Variants in CSF3R observed in about 807,000 individuals in gnomAD.
CSF3R encodes colony stimulating factor 3 receptor.
In CSF3R, 52 loss-of-function variants were observed where a neutral mutation model predicts 84.4. The observed-to-expected ratio is 0.62, with a 90% confidence interval of 0.49 to 0.78. The LOEUF is 0.78. Ranked by LOEUF, CSF3R falls within the 30% of genes least tolerant of loss-of-function variation. The pLI is 0.00. For synonymous variants in CSF3R, 384 were observed against 429.1 expected (o/e 0.89, Z 1.30); for missense variants, 890 against 1,055.7 (o/e 0.84, Z 2.17).
intron 10 of CSF3R, among the ~76,000 whole-genome samples, chr1:36,470,118 C>G (rs3917987): frequency 3.3e-5 from 5 of 152,144 alleles, no homozygotes; most frequent in African/African-American, 1.2e-4. Context: ...AGCTAACACT[C>G]TATTGTTCTT....
Position 36,467,472 on chromosome 1 carries a change from T to C in CSF3R, c.1958+86A>G. The C allele has an allele frequency of 6.8e-7, 1 of 1,465,124 alleles. No individual in the cohort carries two copies. Among genetic ancestry groups the C allele is most frequent in the Non-Finnish European group, 9.6e-7 (1 of 1,046,926 alleles). The allele number at this position is 1,465,124 out of a possible 1,614,324, so 90.8% of individuals were successfully genotyped here. A position where few individuals can be genotyped will look rare whatever the true frequency, so the allele number is the denominator to read the frequency against. ...CATGGGCCCCAAAGTTTGGGAAGGCTGGAAGGGACTTAGATGGGCCCATCT... is the reference window on the plus strand; with the variant it reads ...CATGGGCCCCAAAGTTTGGGAAGGCCGGAAGGGACTTAGATGGGCCCATCT... On this transcript the variant is annotated intron_variant, in intron 15 of 16. Coordinates refer to ENST00000373106, the MANE Select transcript of CSF3R (RefSeq NM_000760.4). This position sits in a 1 kb window ranked among gnomAD's most constrained non-coding sequence, Gnocchi z 4.1.
In CSF3R at chr1:36,475,007, T is replaced by C. The variant is rs80277999; in HGVS notation, c.361+370A>G. ...TCAATAGGTAGTACTCTTTTTTTTT[T>C]TTCTTCTTTTTTTTGAGACCAAGTT... On this transcript the variant is annotated intron_variant, in intron 4 of 16. Transcript: ENST00000373106. 7.7e-3 allele frequency among the ~76,000 whole-genome samples: 1,174 copies of C among 152,050 alleles called. 15 individuals are homozygous for C. The highest frequency in any genetic ancestry group is 0.026 in the African/African-American group (1,094 of 41,480).
rs1053367664 is a variant in CSF3R, at chr1:36,481,508, C to T, written c.-51G>A. ...TTGTGATCTTGGACAAGTTACTTCA[C>T]CTTTCCGAGCCGAGCCTCAGTTTCC... On this transcript the variant is annotated 5_prime_UTR_variant, in exon 2 of 17. It adds an upstream start codon to the 5' untranslated region. Transcript: ENST00000373106. 6.6e-6 allele frequency: 1 copy of T among 152,248 alleles called. No individual in the cohort carries two copies. The highest frequency in any genetic ancestry group is 1.5e-5 in the Non-Finnish European group (1 of 68,060). The allele number at this position is 152,248 out of a possible 1,614,324, so 9.4% of individuals were successfully genotyped here.
rs767458386 is a variant in CSF3R, at chr1:36,475,660, G to A, written c.78C>T (p.Cys26=). ...ILLLPGSLEE[C]GHISVSAPIV... ...TGGGGGCTGAGACACTGATGTGCCC[G>A]CACTCCTCCAGACCTGGGGTGGAAG... The change falls in exon 4 of 17, where the codon TGC becomes TGT. Residue 26 remains cysteine, a synonymous_variant. Transcript: ENST00000373106. 36 of 1,606,856 alleles carry A rather than the reference G, an allele frequency of 2.2e-5. No homozygotes were observed. The highest frequency in any genetic ancestry group is 2.2e-4 in the South Asian group (20 of 90,652).
Position 36,467,906 on chromosome 1 carries a change from T to C in CSF3R, c.1780A>G (p.Ser594Gly). 9 of 1,614,182 alleles carry C rather than the reference T, an allele frequency of 5.6e-6. No homozygotes were observed. Among genetic ancestry groups the C allele is most frequent in the Non-Finnish European group, 7.6e-6 (9 of 1,180,030 alleles). ...GFVLHGLEPA[S>G]LYHIHLMAAS... is the part of the protein sequence containing the mutation. ...GCCATGAGGTGGATGTGATACAGAC[T>C]GGCGGGCTCCAGGCCATGGAGGACA... The change falls in exon 14 of 17, where the codon AGT becomes GGT. Residue 594 changes from serine (S) to glycine (G), a missense_variant. Transcript: ENST00000373106. This position sits in a 1 kb window ranked among gnomAD's most constrained non-coding sequence, Gnocchi z 4.1.
intron 10 of CSF3R, among the ~76,000 whole-genome samples, chr1:36,471,011 G>A (rs1269270990): frequency 6.6e-6 from 1 of 152,082 alleles, no homozygotes; most frequent in Non-Finnish European, 1.5e-5. Flanking sequence ...ACTTACTCAG[G>A]TCACACTGTT....
intron 4 of CSF3R, among the ~76,000 whole-genome samples, chr1:36,475,162 G>A (rs1445831787): frequency 6.6e-6 from 1 of 152,098 alleles, no homozygotes; most frequent in Non-Finnish European, 1.5e-5. Flanking sequence ...CCGCCACTAT[G>A]CCTGGCTAAT....
chr1:36,475,713 C>T, intron 3 of CSF3R, 40 bp from the exon 4 acceptor site: 1 of 1,581,780 alleles, frequency 6.3e-7, no homozygotes, highest in East Asian at 2.3e-5. Context: ...ACGCCTCTGC[C>T]TAGCAGAGCT....
chr1:36,467,388 T>TCTTCA lies in CSF3R; in HGVS notation c.1959-78_1959-77insTGAAG. On this transcript the variant is annotated intron_variant, in intron 15 of 16. Coordinates refer to ENST00000373106, the MANE Select transcript of CSF3R (RefSeq NM_000760.4). This position sits in a 1 kb window ranked among gnomAD's most constrained non-coding sequence, Gnocchi z 4.1. The stretch of plus-strand genomic sequence containing the variant: ...CATTTTTTGTCCCACCCACCCCACC[T>TCTTCA]GAAGAGGTGCAGCTGCCCTTAGTGC... 1 of 1,495,860 alleles carries TCTTCA rather than the reference T, an allele frequency of 6.7e-7. No homozygotes were observed. Among genetic ancestry groups the TCTTCA allele is most frequent in the Non-Finnish European group, 9.3e-7 (1 of 1,073,174 alleles). 92.7% of individuals were successfully genotyped at this position (1,495,860 alleles called of 1,614,324 possible).
At position 36,474,390 on chromosome 1, in the gene CSF3R, C is replaced by CTTTTTT. The variant is rs911099378; in HGVS notation, c.362-509_362-504dup. 2.0e-3 allele frequency among the ~76,000 whole-genome samples: 170 copies of CTTTTTT among 86,272 alleles called. 8 individuals carry two copies. Among genetic ancestry groups the CTTTTTT allele is most frequent in the African/African-American group, 7.3e-3 (142 of 19,566 alleles). The allele number at this position is 86,272 out of a possible 152,430, so 56.6% of individuals were successfully genotyped here. A position where few individuals can be genotyped will look rare whatever the true frequency, so the allele number is the denominator to read the frequency against. ...GTGTTAGCAGTGGCCATTACTGGTG[C>CTTTTTT]TTTTTTTTTTTTTTTTTTTTTTTTT... On this transcript the variant is annotated intron_variant, in intron 4 of 16. Coordinates refer to ENST00000373106, the MANE Select transcript of CSF3R (RefSeq NM_000760.4).
intron 3 of CSF3R, chr1:36,476,163 T>G: frequency 1.3e-5 from 2 of 156,564 alleles, no homozygotes; most frequent in Non-Finnish European, 2.8e-5. Context: ...CTGATTCTGC[T>G]ACCCCATCTC....
intron 2 of CSF3R, among the ~76,000 whole-genome samples, chr1:36,480,376 GC>G (rs1192098724): frequency 6.6e-6 from 1 of 152,242 alleles, no homozygotes; most frequent in Non-Finnish European, 1.5e-5. Context: ...GGTCCAGTGT[GC>G]CCCCAATTTT....
rs748675453 is a variant in CSF3R, at chr1:36,469,718, C to T, written c.1408G>A (p.Ala470Thr). 158 of 1,614,088 alleles carry T rather than the reference C, an allele frequency of 9.8e-5. 1 individual carries two copies. Among genetic ancestry groups the T allele is most frequent in the South Asian group, 8.3e-4 (76 of 91,092 alleles). ...CTCCAGGTCTTGTTGCTATTGCTCG[C>T]GCTGGGGGGGCCCAGGCCCCACTCA... Reference protein sequence around the residue: ...VIEWGLGPPSASNSNKTWRME... With the variant: ...VIEWGLGPPSTSNSNKTWRME... Residue 470 changes from alanine to threonine, a missense_variant, in exon 11 of 17, where the codon GCG (alanine) becomes ACG (threonine). Ala to Thr is a moderately conservative substitution (Grantham distance 58, BLOSUM62 0). Coordinates refer to ENST00000373106, the MANE Select transcript of CSF3R (RefSeq NM_000760.4).
chr1:36,473,552 A>AG lies in CSF3R; in HGVS notation c.555dup (p.Cys186LeufsTer35), dbSNP rs1487594894. ...AGCAGGTGTTTGCGTGGGATGCAGCAGTGGCTCTGCCCGTCCTTGGGCACG... is the reference window on the plus strand; with the variant it reads ...AGCAGGTGTTTGCGTGGGATGCAGCAGGTGGCTCTGCCCGTCCTTGGGCACG... On this transcript the variant is annotated frameshift_variant, in exon 6 of 17. Transcript: ENST00000373106. LOFTEE classifies it high-confidence loss of function. 1 of 1,614,098 alleles carries AG rather than the reference A, an allele frequency of 6.2e-7. No individual in the cohort carries two copies. The highest frequency in any genetic ancestry group is 8.5e-7 in the Non-Finnish European group (1 of 1,180,058).
intron 2 of CSF3R, chr1:36,480,199 A>G (rs1651434830): frequency 6.4e-6 from 1 of 157,018 alleles, no homozygotes; most frequent in Non-Finnish European, 1.4e-5. Context: ...CATGAGTACT[A>G]GGCAGGTTCT....
rs1238508233 is a variant in CSF3R at position 36,467,615 on chromosome 1, C to T, written c.1901G>A (p.Gly634Asp). The T allele has an allele frequency of 6.2e-7, 1 of 1,614,154 alleles. No homozygotes were observed. The highest frequency in any genetic ancestry group is 1.1e-5 in the South Asian group (1 of 91,084). Residue 634 changes from glycine to aspartate, a missense_variant, in exon 15 of 17, where the codon GGC (glycine) becomes GAC (aspartate). Coordinates refer to ENST00000373106, the MANE Select transcript of CSF3R (RefSeq NM_000760.4). The surrounding 1 kb of genome is among the most constrained non-coding windows in gnomAD (Gnocchi z 4.1). The stretch of plus-strand genomic sequence containing the variant: ...GAGGCAGGTGAGCAACAGCAGGAGG[C>T]CGAACAGGCCCAGGATGATGTGTAG... Reference protein sequence around the residue: ...SELHIILGLFGLLLLLTCLCG... With the variant: ...SELHIILGLFDLLLLLTCLCG...
chr1:36,476,686 G>A (rs1367017252), intron 3 of CSF3R, among the ~76,000 whole-genome samples: 1 of 149,560 alleles, frequency 6.7e-6, no homozygotes, highest in African/African-American at 2.5e-5. Context: ...TTTTCTTCAA[G>A]TTCTTGCTCT....
Position 36,466,762 on chromosome 1 carries a change from ATCC to A in CSF3R, c.2103_2105del (p.Glu701del), listed in dbSNP as rs1372251472. 6.2e-7 allele frequency: 1 copy of A among 1,614,110 alleles called. No homozygotes were observed. The highest frequency in any genetic ancestry group is 8.5e-7 in the Non-Finnish European group (1 of 1,180,008). On this transcript the variant is annotated inframe_deletion, in exon 17 of 17. Coordinates refer to ENST00000373106, the MANE Select transcript of CSF3R (RefSeq NM_000760.4). This position sits in a 1 kb window ranked among gnomAD's most constrained non-coding sequence, Gnocchi z 4.6. ...ACTCCCAGGGCACCGGCTTCTTTTCATCCTCCTCCAGCACTGTGAGCTTGGTGA... is the reference window on the plus strand; with the variant it reads ...ACTCCCAGGGCACCGGCTTCTTTTCATCCTCCAGCACTGTGAGCTTGGTGA...
At chr1:36,469,984 C>A in intron 10 of CSF3R, 144 bp from the exon 11 acceptor site, 1 of 841,916 alleles carries the variant, frequency 1.2e-6, no homozygotes, top group South Asian at 1.5e-5. Flanking sequence ...GTTTCCTCAT[C>A]TGTAAAGTAG....
Sources: gnomAD v4.1 joint callset for allele counts (sites outside exome capture counted in the v4.1 genomes callset) on GRCh38, gnomAD v4.1.1 for gene constraint, Gnocchi (gnomAD v3.1) non-coding constraint, MANE v1.5 for transcripts, NCBI Gene and HGNC (gene_info 2026-07-23, HGNC 2026-07-21) for gene names.